The following MFRP variants were observed in gnomAD, a reference collection of about 807,000 sequenced individuals.
MFRP encodes the protein C1q and TNF related 5.
MFRP carries 74 observed loss-of-function variants against 65.8 expected under a neutral mutation model. That is an observed-to-expected ratio of 1.12 (90% confidence interval 0.93 to 1.36). MFRP has a LOEUF of 1.36. Among genes scored for constraint, MFRP ranks in the 40% most tolerant of loss-of-function variants. The pLI is 0.00. For missense variants in MFRP, 838 were observed against 736.0 expected, an observed-to-expected ratio of 1.14 and a Z score of -1.60; for synonymous variants, 336 against 288.3, an observed-to-expected ratio of 1.17 and a Z score of -1.68.
intron 2 of MFRP, 51 bp from the exon 3 acceptor site, chr11:119,346,210 C>A (rs1415903642): frequency 6.4e-7 from 1 of 1,568,326 alleles, no homozygotes; most frequent in African/African-American, 1.4e-5. Context: ...GGGTATTCCT[C>A]ATGCTGTCCT....
At position 119,344,943 on chromosome 11, in the gene MFRP, A is replaced by G. The variant is rs1324743137; in HGVS notation, c.703T>C (p.Phe235Leu). The change falls in exon 6 of 15, where the codon TTC becomes CTC. Residue 235 changes from phenylalanine to leucine, a missense_variant. By Grantham distance (22) the Phe-to-Leu change is conservative (BLOSUM62 0). Transcript: ENST00000619721. ...NTNASHLLVVFVSDSSVEGFG... is the reference protein window; with the variant it reads ...NTNASHLLVVLVSDSSVEGFG... ...CCTTCCACACTGCTGTCAGAGACGAAGACCACCAGGAGGTGGCTGGCATTG... is the reference window on the plus strand; with the variant it reads ...CCTTCCACACTGCTGTCAGAGACGAGGACCACCAGGAGGTGGCTGGCATTG... 1 of 1,610,602 alleles carries G rather than the reference A, an allele frequency of 6.2e-7. No homozygotes were observed. The highest frequency in any genetic ancestry group is 8.5e-7 in the Non-Finnish European group (1 of 1,178,954).
At chr11:119,345,147 G>A (rs927987366) in intron 5 of MFRP, 143 bp from the exon 6 acceptor site, 15 of 1,113,830 alleles carry the variant, frequency 1.3e-5, no homozygotes, top group Admixed American at 4.6e-5. Flanking sequence ...ATGTCCCAGG[G>A]AGCTCTGACC....
rs1223591561 is a variant in MFRP at position 119,344,865 on chromosome 11, C to G, written c.772+9G>C. The G allele has an allele frequency of 6.2e-7, 1 of 1,613,172 alleles. No homozygotes were observed. Among genetic ancestry groups the G allele is most frequent in the Non-Finnish European group, 8.5e-7 (1 of 1,179,972 alleles). ...TGGACACTCAACAGGCAGGTGGGAA[C>G]ACACTCACCGCGCCCAGGGGCCATA... On this transcript the variant is annotated intron_variant, in intron 6 of 14. Coordinates refer to ENST00000619721, the MANE Select transcript of MFRP (RefSeq NM_031433.4).
At chr11:119,344,458 T>C in intron 7 of MFRP, 67 bp from the exon 8 acceptor site, 2 of 1,552,466 alleles carry the variant, frequency 1.3e-6, no homozygotes, top group Non-Finnish European at 1.8e-6. Context: ...GGGCTGGCGG[T>C]GATTACAGAG....
In MFRP at chr11:119,345,560, GT is replaced by G. The variant is rs1353587068; in HGVS notation, c.500del (p.Asn167ThrfsTer25). On this transcript the variant is annotated frameshift_variant, in exon 5 of 15. Coordinates refer to ENST00000619721, the MANE Select transcript of MFRP (RefSeq NM_031433.4). LOFTEE classifies it high-confidence loss of function. The part of the protein sequence containing the change: ...SPNYPDPYPP[N>X]THCVWHIQVA... ...CCTGGATATGCCACACGCAGTGGGTGTTGGGGGGGTAAGGGTCTGGGTAGTT... is the reference window on the plus strand; with the variant it reads ...CCTGGATATGCCACACGCAGTGGGTGTGGGGGGGTAAGGGTCTGGGTAGTT... 1 of 1,614,062 alleles carries G rather than the reference GT, an allele frequency of 6.2e-7. No individual in the cohort carries two copies. The highest frequency in any genetic ancestry group is 2.2e-5 in the East Asian group (1 of 44,880).
At chr11:119,342,771 AC>A in intron 10 of MFRP, 44 bp from the exon 11 acceptor site, 1 of 1,612,060 alleles carries the variant, frequency 6.2e-7, no homozygotes, top group African/African-American at 1.3e-5. Context: ...ACATACCTAC[AC>A]CCCCAGTACC....
chr11:119,345,658 A>C, intron 4 of MFRP, 25 bp from the exon 5 acceptor site: 1 of 1,613,126 alleles, frequency 6.2e-7, no homozygotes, highest in East Asian at 2.2e-5. Context: ...GTTAGAGTTC[A>C]GAGGTCAAAA....
Position 119,342,872 on chromosome 11 carries a change from C to G in MFRP, c.1255+1G>C. On this transcript the variant is annotated splice_donor_variant, in intron 10 of 14. Coordinates refer to ENST00000619721, the MANE Select transcript of MFRP (RefSeq NM_031433.4). LOFTEE classifies it high-confidence loss of function. ...CCACCCACTTGCCCAGGGGCACCTACTCTCCGTGGCATTGAAGGCCAGGTA... is the reference window on the plus strand; with the variant it reads ...CCACCCACTTGCCCAGGGGCACCTAGTCTCCGTGGCATTGAAGGCCAGGTA... 2 of 1,613,140 alleles carry G rather than the reference C, an allele frequency of 1.2e-6. No homozygotes were observed. Among genetic ancestry groups the G allele is most frequent in the Non-Finnish European group, 1.7e-6 (2 of 1,179,946 alleles).
chr11:119,344,729 A>C lies in MFRP; in HGVS notation c.801T>G (p.Cys267Trp), dbSNP rs375851859. 6.2e-6 allele frequency: 10 copies of C among 1,613,912 alleles called. No individual in the cohort carries two copies. In the African/African-American group the frequency reaches 1.3e-4, roughly 22 times the overall value. Residue 267 changes from cysteine to tryptophan, a missense_variant, in exon 7 of 15, where the codon TGT (cysteine) becomes TGG (tryptophan). Transcript: ENST00000619721. Reference protein sequence around the residue: ...RGSCAHDEFRCDQLICLLPDS... With the variant: ...RGSCAHDEFRWDQLICLLPDS... ...CAGGTAGCAGGCAGATGAGCTGGTC[A>C]CAGCGGAACTCATCATGGGCACAGC...
rs1407160789 is a variant in MFRP at position 119,341,983 on chromosome 11, C to G, written c.1389G>C (p.Glu463Asp). 1 of 1,613,600 alleles carries G rather than the reference C, an allele frequency of 6.2e-7. No individual in the cohort carries two copies. The highest frequency in any genetic ancestry group is 8.5e-7 in the Non-Finnish European group (1 of 1,180,010). ...NCSGPLFPPP[E>D]LACEPVQVEM... ...CCACCTGGACAGGCTCACAGGCCAG[C>G]TCTGCAGGGGTGGAGGGGAGGGCCA... The change falls in exon 12 of 15, where the codon GAG becomes GAC. Residue 463 changes from glutamate (E) to aspartate (D), a missense_variant and splice_region_variant. By Grantham distance (45) the Glu-to-Asp change is conservative. Transcript: ENST00000619721.
Position 119,344,767 on chromosome 11 carries a change from G to C in MFRP, c.773-10C>G, listed in dbSNP as rs780047569. ...TCATGGGCACAGCTCCCTGGATGTG[G>C]GCACCAGGAGTCAGGGAGGCCCGGA... On this transcript the variant is annotated splice_polypyrimidine_tract_variant and intron_variant, in intron 6 of 14. Transcript: ENST00000619721. The C allele has an allele frequency of 4.3e-6, 7 of 1,613,906 alleles. No individual in the cohort carries two copies. The highest frequency in any genetic ancestry group is 4.2e-6 in the Non-Finnish European group (5 of 1,180,024).
chr11:119,339,976 G>T lies in MFRP; in HGVS notation c.*1111-128C>A. On this transcript the variant is annotated intron_variant, in intron 14 of 14. Transcript: ENST00000619721. The surrounding 1 kb of genome is among the most constrained non-coding windows in gnomAD (Gnocchi z 5.4). ...TTCGGCCAGCGCCTCCTCCCGCACGGGTACCTCCTCCACCCCTTCCCGCAG... is the reference window on the plus strand; with the variant it reads ...TTCGGCCAGCGCCTCCTCCCGCACGTGTACCTCCTCCACCCCTTCCCGCAG... The T allele has an allele frequency of 7.5e-7, 1 of 1,329,116 alleles. No individual in the cohort carries two copies. The highest frequency in any genetic ancestry group is 1.5e-5 in the African/African-American group (1 of 64,882). 82.3% of individuals were successfully genotyped at this position (1,329,116 alleles called of 1,614,324 possible). A position where few individuals can be genotyped will look rare whatever the true frequency, so the allele number is the denominator to read the frequency against.
chr11:119,346,464 C>T lies in MFRP; in HGVS notation c.50G>A (p.Ser17Asn). The change falls in exon 1 of 15, where the codon AGC becomes AAC. Residue 17 changes from serine (S) to asparagine (N), a missense_variant. Transcript: ENST00000619721. Reference sequence around the variant, plus strand: ...ACGATTCTATGTGGTCCTTACCTTGCTCGATTCTGTTGCCTCCATGCAGAG... The same window carrying T: ...ACGATTCTATGTGGTCCTTACCTTGTTCGATTCTGTTGCCTCCATGCAGAG... ...VILCMEATES[S>N]KTEFCNPAFE... 6.2e-7 allele frequency: 1 copy of T among 1,614,126 alleles called. No homozygotes were observed. Among genetic ancestry groups the T allele is most frequent in the Non-Finnish European group, 8.5e-7 (1 of 1,180,004 alleles).
rs1950545795 is a variant in MFRP, at chr11:119,345,009, A to C, written c.642-5T>G. The C allele has an allele frequency of 1.2e-5, 20 of 1,602,506 alleles. No homozygotes were observed. The East Asian group carries it at 4.5e-4, about 36-fold the overall frequency. The stretch of plus-strand genomic sequence containing the variant: ...GGAGGCACCCTTCCACAAACCCTGC[A>C]AGAAGCCAGGTTGGGGGTGAGGGAG... On this transcript the variant is annotated splice_region_variant and splice_polypyrimidine_tract_variant and intron_variant, in intron 5 of 14. Coordinates refer to ENST00000619721, the MANE Select transcript of MFRP (RefSeq NM_031433.4).
At position 119,345,134 on chromosome 11, in the gene MFRP, C is replaced by G. The variant is rs75286105; in HGVS notation, c.642-130G>C. On this transcript the variant is annotated intron_variant, in intron 5 of 14. Coordinates refer to ENST00000619721, the MANE Select transcript of MFRP (RefSeq NM_031433.4). ...TGACCATGTGGTCAAAAAGGCTCCT[C>G]TGATGTCCCAGGGAGCTCTGACCTT... is the stretch of plus-strand genomic sequence containing the variant. 372 of 1,238,778 alleles carry G rather than the reference C, an allele frequency of 3.0e-4. 2 individuals carry two copies. The East Asian group carries it at 9.1e-3, about 30-fold the overall frequency. The allele number at this position is 1,238,778 out of a possible 1,614,324, so 76.7% of individuals were successfully genotyped here.
rs371946990 is a variant in MFRP, at chr11:119,342,898, G to A, written c.1230C>T (p.Thr410=). Residue 410 remains threonine (T), a synonymous_variant, in exon 10 of 15, where the codon ACC becomes ACT. Coordinates refer to ENST00000619721, the MANE Select transcript of MFRP (RefSeq NM_031433.4). ...TCTCCGTGGCATTGAAGGCCAGGTA[G>A]GTGGCTGAGAAGCCTCCACTGCTGA... The part of the protein sequence containing the change: ...HGISSGGFSA[T]YLAFNATENP... The A allele has an allele frequency of 4.5e-5, 73 of 1,612,938 alleles. No individual in the cohort carries two copies. The highest frequency in any genetic ancestry group is 6.1e-5 in the Non-Finnish European group (72 of 1,179,928).
Position 119,341,141 on chromosome 11 carries a change from G to T in MFRP, c.*407C>A. On this transcript the variant is annotated 3_prime_UTR_variant, in exon 13 of 15. Coordinates refer to ENST00000619721, the MANE Select transcript of MFRP (RefSeq NM_031433.4). ...AGAGAGATGAGGGTGGAGAGTTCTA[G>T]AGGCAGACAGCCAGTTGGATCCCTA... The T allele has an allele frequency of 4.1e-6, 1 of 246,328 alleles. No individual in the cohort carries two copies. The highest frequency in any genetic ancestry group is 8.0e-6 in the Non-Finnish European group (1 of 124,502). The allele number at this position is 246,328 out of a possible 1,614,324, so 15.3% of individuals were successfully genotyped here.
rs1470363362 is a variant in MFRP, at chr11:119,340,334, TGTC to T, written c.*957_*959del. ...CCCGGGCAGAGGCTGGGGATCTTGT[TGTC>T]GTCCAGTGGGGGCGAGCCGGCCGCC... On this transcript the variant is annotated 3_prime_UTR_variant, in exon 14 of 15. Coordinates refer to ENST00000619721, the MANE Select transcript of MFRP (RefSeq NM_031433.4). The T allele has an allele frequency of 8.4e-6, 13 of 1,543,304 alleles. No individual in the cohort carries two copies. The highest frequency in any genetic ancestry group is 1.1e-5 in the Non-Finnish European group (13 of 1,145,074).
rs1275600605 is a variant in MFRP, at chr11:119,340,696, C to A, written c.*852G>T. The A allele has an allele frequency of 6.9e-6, 3 of 435,450 alleles. No individual in the cohort carries two copies. The highest frequency in any genetic ancestry group is 1.2e-5 in the Non-Finnish European group (3 of 242,186). The allele number at this position is 435,450 out of a possible 1,614,324, so 27.0% of individuals were successfully genotyped here. ...TTTCCCCTCCTCCGCCAGACTCACC[C>A]CCCCTCCCGGCTCCCCGATGGCCTC... On this transcript the variant is annotated splice_region_variant and 3_prime_UTR_variant, in exon 13 of 15. Coordinates refer to ENST00000619721, the MANE Select transcript of MFRP (RefSeq NM_031433.4).
Sources: gnomAD v4.1 joint callset for allele counts on GRCh38, gnomAD v4.1.1 for gene constraint, Gnocchi (gnomAD v3.1) non-coding constraint, MANE v1.5 for transcripts, NCBI Gene and HGNC (gene_info 2026-07-23, HGNC 2026-07-21) for gene names.